The following WDFY3 variants were observed in gnomAD, a reference collection of about 807,000 sequenced individuals.
The protein encoded by WDFY3 is WD repeat and FYVE domain-containing protein 3.
In WDFY3, 66 loss-of-function variants were observed where a neutral mutation model predicts 409.6. The observed-to-expected ratio is 0.16, with a 90% CI of 0.13 to 0.20. The LOEUF is 0.20. Ranked by LOEUF, WDFY3 falls within the 10% of genes least tolerant of loss-of-function variation. The pLI, the probability that WDFY3 is intolerant of heterozygous loss-of-function variation, is 1.00. For synonymous variants in WDFY3, 1,521 were observed against 1,537.1 expected (o/e 0.99, Z 0.25); for missense variants, 3,031 against 4,298.1 (o/e 0.71, Z 8.24).
At chr4:84,942,084 A>C (rs1194130820) in intron 1 of WDFY3, among the ~76,000 whole-genome samples, 1 of 152,114 alleles carries the variant, frequency 6.6e-6, no homozygotes. Flanking sequence ...ACAATCTAAA[A>C]CTATAAAACT....
intron 8 of WDFY3, among the ~76,000 whole-genome samples, chr4:84,829,590 T>C (rs1049816008): frequency 1.3e-5 from 2 of 152,036 alleles, no homozygotes; most frequent in Non-Finnish European, 2.9e-5. Flanking sequence ...TAGTTAAAAC[T>C]TTAAGTTAGA....
chr4:84,745,575 T>C lies in WDFY3; in HGVS notation c.5974-1776A>G, dbSNP rs1739287681. ...TCAAAAGCCAACAGCTAAACCAAAATTGTAAGGAAAATTGCTCTTTCTTCT... is the reference window on the plus strand; with the variant it reads ...TCAAAAGCCAACAGCTAAACCAAAACTGTAAGGAAAATTGCTCTTTCTTCT... On this transcript the variant is annotated intron_variant, in intron 36 of 67. Coordinates refer to ENST00000295888, the MANE Select transcript of WDFY3 (RefSeq NM_014991.6). 3.9e-5 allele frequency among the ~76,000 whole-genome samples: 6 copies of C among 152,232 alleles called. No homozygotes were observed. The South Asian group carries it at 1.0e-3, about 26-fold the overall frequency.
chr4:84,710,399 A>T (rs1732685451), intron 51 of WDFY3, among the ~76,000 whole-genome samples: 1 of 152,214 alleles, frequency 6.6e-6, no homozygotes, highest in Non-Finnish European at 1.5e-5. Context: ...ACTTCCTTAA[A>T]ATGTTATAAA....
At chr4:84,787,797 T>A in intron 22 of WDFY3, 84 bp from the exon 23 acceptor site, 1 of 1,223,532 alleles carries the variant, frequency 8.2e-7, no homozygotes, top group Non-Finnish European at 1.1e-6. Context: ...ATTTTCATTA[T>A]CCCAAGGTCA....
chr4:84,904,985 C>T (rs1196388638), intron 2 of WDFY3, among the ~76,000 whole-genome samples: 3 of 148,632 alleles, frequency 2.0e-5, no homozygotes, highest in Non-Finnish European at 4.4e-5. Flanking sequence ...TTTCTTTTAT[C>T]TCTTTGTCTT....
rs779572217 is a variant in WDFY3 at position 84,745,359 on chromosome 4, TG to T, written c.5974-1561del. 1.4e-4 allele frequency among the ~76,000 whole-genome samples: 22 copies of T among 152,216 alleles called. 1 individual carries two copies. Among genetic ancestry groups the T allele is most frequent in the Non-Finnish European group, 2.8e-4 (19 of 68,042 alleles). ...CAGTATTGAGGTTTTGCAAGTGAAATGGAAGAACCTACTTATTCTTGAATAG... is the reference window on the plus strand; with the variant it reads ...CAGTATTGAGGTTTTGCAAGTGAAATGAAGAACCTACTTATTCTTGAATAG... On this transcript the variant is annotated intron_variant, in intron 36 of 67. Transcript: ENST00000295888.
At chr4:84,720,502 G>A (rs985420114) in intron 47 of WDFY3, among the ~76,000 whole-genome samples, 4 of 152,106 alleles carry the variant, frequency 2.6e-5, no homozygotes, top group East Asian at 1.9e-4. Flanking sequence ...TTGGAGGTGC[G>A]GCCTTATGGG....
intron 10 of WDFY3, among the ~76,000 whole-genome samples, chr4:84,825,933 T>C (rs1039589482): frequency 2.0e-5 from 3 of 152,130 alleles, no homozygotes; most frequent in Non-Finnish European, 4.4e-5. Context: ...ATAAAATACA[T>C]AATAAAACTA....
At chr4:84,758,008 T>C (rs1359707257) in intron 32 of WDFY3, among the ~76,000 whole-genome samples, 2 of 152,194 alleles carry the variant, frequency 1.3e-5, no homozygotes, top group African/African-American at 4.8e-5. Context: ...TTTAAGGAGA[T>C]AATCAGTTCT....
At chr4:84,955,391 C>G (rs1208594249) in intron 1 of WDFY3, among the ~76,000 whole-genome samples, 1 of 152,166 alleles carries the variant, frequency 6.6e-6, no homozygotes, top group Non-Finnish European at 1.5e-5. Context: ...ACCTGTTGCT[C>G]TTCTTACAGG....
intron 17 of WDFY3, among the ~76,000 whole-genome samples, chr4:84,799,422 T>C (rs1306281792): frequency 1.3e-5 from 2 of 151,918 alleles, no homozygotes; most frequent in African/African-American, 2.4e-5. Context: ...TCCTCCTGCG[T>C]TGGCCTCCCA....
Position 84,751,942 on chromosome 4 carries a change from G to A in WDFY3, c.5740-226C>T, listed in dbSNP as rs138978412. Among the ~76,000 whole-genome samples the A allele has an allele frequency of 2.0e-4, 31 of 152,070 alleles. No homozygotes were observed. The East Asian group carries it at 4.3e-3, about 21-fold the overall frequency. On this transcript the variant is annotated intron_variant, in intron 35 of 67. Transcript: ENST00000295888. ...GTTTCTGACTGACCACTAACAATAC[G>A]TCACCTTTAAGTTGAATTGTATGTC...
chr4:84,860,493 C>T lies in WDFY3; in HGVS notation c.99G>A (p.Thr33=), dbSNP rs142451080. 21 of 1,613,930 alleles carry T rather than the reference C, an allele frequency of 1.3e-5. No individual in the cohort carries two copies. Among genetic ancestry groups the T allele is most frequent in the South Asian group, 7.7e-5 (7 of 91,074 alleles). ...LGLMHLRRLF[T]ELCHPPRHMT... is the part of the protein sequence containing the mutation. ...TGTGCCGGGGAGGATGGCACAACTC[C>T]GTGAAGAGCCGGCGGAGGTGCATCA... The change falls in exon 4 of 68, where the codon ACG becomes ACA. Residue 33 remains threonine (T), a synonymous_variant. Coordinates refer to ENST00000295888, the MANE Select transcript of WDFY3 (RefSeq NM_014991.6).
chr4:84,849,269 G>A (rs570476079), intron 5 of WDFY3, among the ~76,000 whole-genome samples: 1 of 152,088 alleles, frequency 6.6e-6, no homozygotes, highest in South Asian at 2.1e-4. Context: ...AGTAGCTTAT[G>A]GTCTACTGGG....
chr4:84,943,244 G>C (rs1038864248), intron 1 of WDFY3, among the ~76,000 whole-genome samples: 1 of 152,144 alleles, frequency 6.6e-6, no homozygotes. Flanking sequence ...GCTCACACCT[G>C]TAATCCAAGC....
rs200688461 is a variant in WDFY3 at position 84,787,512 on chromosome 4, C to T, written c.3871G>A (p.Val1291Ile). The T allele has an allele frequency of 1.2e-6, 2 of 1,614,142 alleles. No individual in the cohort carries two copies. Among genetic ancestry groups the T allele is most frequent in the East Asian group, 2.2e-5 (1 of 44,878 alleles). ...TTIYELGPNYVGSFQAVCMPC... is the reference protein window; with the variant it reads ...TTIYELGPNYIGSFQAVCMPC... ...ATACATACAGCCTGAAAGCTTCCAA[C>T]ATAATTTGGTCCAAGTTCATAAATG... The change falls in exon 23 of 68, where the codon GTT becomes ATT. Residue 1291 changes from valine to isoleucine, a missense_variant. By Grantham distance (29) the Val-to-Ile change is conservative (BLOSUM62 3). Transcript: ENST00000295888.
intron 41 of WDFY3, among the ~76,000 whole-genome samples, chr4:84,736,972 A>C (rs991949483): frequency 4.0e-5 from 6 of 150,504 alleles, no homozygotes; most frequent in Non-Finnish European, 7.4e-5. Flanking sequence ...TAAACGCCTG[A>C]TGTATAACAT....
At chr4:84,783,566 G>C (rs1031282120) in intron 24 of WDFY3, among the ~76,000 whole-genome samples, 1 of 152,158 alleles carries the variant, frequency 6.6e-6, no homozygotes, top group Non-Finnish European at 1.5e-5. Context: ...AGAGGATCTT[G>C]AGACACAGCT....
intron 32 of WDFY3, among the ~76,000 whole-genome samples, chr4:84,764,589 C>G (rs1476312077): frequency 3.9e-5 from 6 of 152,050 alleles, no homozygotes; most frequent in African/African-American, 1.4e-4. Flanking sequence ...TGGCTGGGTG[C>G]AGTGGCTCAC....
Sources: allele counts gnomAD v4.1 joint callset (sites outside exome capture counted in the v4.1 genomes callset), GRCh38; gene constraint gnomAD v4.1.1; transcripts MANE v1.5; gene names NCBI Gene and HGNC (gene_info 2026-07-23, HGNC 2026-07-21).